The following ALS2 variants were observed in gnomAD, a reference collection of about 807,000 sequenced individuals.
ALS2 encodes alsin.
Under a neutral mutation model 203.4 loss-of-function variants are expected in ALS2, and 117 were observed. The observed-to-expected ratio is 0.58, with a 90% confidence interval of 0.50 to 0.67. The LOEUF is 0.67. Among genes scored for constraint, ALS2 ranks in the 30% least tolerant of loss-of-function variants. The pLI, the probability that ALS2 is intolerant of heterozygous loss-of-function variation, is 0.00. For synonymous variants in ALS2, 718 were observed against 725.9 expected, an observed-to-expected ratio of 0.99 and a Z score of 0.17; for missense variants, 1,715 against 1,989.4, an observed-to-expected ratio of 0.86 and a Z score of 2.62.
intron 24 of ALS2, among the ~76,000 whole-genome samples, chr2:201,716,474 G>A (rs924368441): frequency 4.1e-5 from 6 of 147,080 alleles, no homozygotes; most frequent in Non-Finnish European, 7.4e-5. Context: ...AACCCAGAAG[G>A]CAGAGGTTGC....
At chr2:201,721,492 C>A (rs755845633) in intron 23 of ALS2, among the ~76,000 whole-genome samples, 1 of 151,916 alleles carries the variant, frequency 6.6e-6, no homozygotes, top group Non-Finnish European at 1.5e-5. Flanking sequence ...ACTGAGAGAC[C>A]AGAAATAAAC....
chr2:201,733,561 T>A, intron 12 of ALS2, 123 bp from the exon 13 acceptor site: 1 of 831,928 alleles, frequency 1.2e-6, no homozygotes, highest in Non-Finnish European at 1.9e-6. Context: ...GCTGTGAAAG[T>A]AGAAATACAA....
intron 3 of ALS2, among the ~76,000 whole-genome samples, chr2:201,766,046 G>A (rs1448666267): frequency 6.6e-6 from 1 of 152,144 alleles, no homozygotes; most frequent in African/African-American, 2.4e-5. Flanking sequence ...CATGGAACTT[G>A]TTATCTCACT....
chr2:201,756,996 A>G (rs1693441195), intron 5 of ALS2, among the ~76,000 whole-genome samples: 1 of 152,344 alleles, frequency 6.6e-6, no homozygotes, highest in African/African-American at 2.4e-5. Flanking sequence ...ATGGTCTCAG[A>G]AAATGAAATT....
In ALS2 at chr2:201,711,788, A is replaced by G. The variant is rs578207943; in HGVS notation, c.4005-680T>C. Among the ~76,000 whole-genome samples, 7 of 152,356 alleles carry G rather than the reference A, an allele frequency of 4.6e-5. No homozygotes were observed. The South Asian group carries it at 1.4e-3, about 32-fold the overall frequency. The stretch of plus-strand genomic sequence containing the variant: ...ATCATTATTATTAGAGATTTTAGAT[A>G]AACATATAAGATCTTTGTGGTAGCA... On this transcript the variant is annotated intron_variant, in intron 25 of 33. Transcript: ENST00000264276.
intron 24 of ALS2, among the ~76,000 whole-genome samples, chr2:201,717,519 T>C (rs1195933332): frequency 6.6e-6 from 1 of 151,520 alleles, no homozygotes; most frequent in Non-Finnish European, 1.5e-5. Flanking sequence ...CATGGAACTT[T>C]CCTTTTAAAC....
At chr2:201,724,501 A>G (rs774119637) in intron 20 of ALS2, 42 bp from the exon 21 acceptor site, 15 of 1,598,090 alleles carry the variant, frequency 9.4e-6, no homozygotes, top group Non-Finnish European at 1.3e-5. Context: ...TGCACATTGA[A>G]TTCTGATGCT....
At chr2:201,772,244 A>G (rs1428464531) in intron 1 of ALS2, among the ~76,000 whole-genome samples, 2 of 151,392 alleles carry the variant, frequency 1.3e-5, no homozygotes, top group Non-Finnish European at 2.9e-5. Flanking sequence ...CGAGCCAAGG[A>G]TATCATTTTA....
At chr2:201,778,157 G>A (rs1694739042) in intron 1 of ALS2, among the ~76,000 whole-genome samples, 1 of 152,098 alleles carries the variant, frequency 6.6e-6, no homozygotes, top group South Asian at 2.1e-4. Context: ...CTCCCTTCCT[G>A]ATAGGGAGGC....
intron 11 of ALS2, among the ~76,000 whole-genome samples, chr2:201,739,091 T>C (rs1192240739): frequency 6.6e-6 from 1 of 151,552 alleles, no homozygotes; most frequent in East Asian, 1.9e-4. Context: ...ATAGAAAAAT[T>C]AGTCAGGCAT....
intron 21 of ALS2, 33 bp from the exon 22 acceptor site, chr2:201,723,474 T>C: frequency 1.3e-6 from 2 of 1,545,152 alleles, no homozygotes; most frequent in South Asian, 2.2e-5. Context: ...GAAAAAGCAC[T>C]GAAGATAAGG....
At chr2:201,713,980 G>A (rs938006126) in intron 25 of ALS2, among the ~76,000 whole-genome samples, 10 of 152,184 alleles carry the variant, frequency 6.6e-5, no homozygotes, top group African/African-American at 2.4e-4. Context: ...GCTTGAAACT[G>A]CTATCTTTAG....
chr2:201,777,336 G>A (rs74612791), intron 1 of ALS2, among the ~76,000 whole-genome samples: 5,065 of 151,906 alleles, frequency 0.033, 96 homozygotes, highest in African/African-American at 0.052. Context: ...CCTCTCCTTA[G>A]AAAAGCTTTA....
chr2:201,745,810 G>T (rs1055022430), intron 9 of ALS2, among the ~76,000 whole-genome samples: 1 of 152,104 alleles, frequency 6.6e-6, no homozygotes, highest in Non-Finnish European at 1.5e-5. Flanking sequence ...TTAGCTGGGC[G>T]TGGTGGTGGG....
chr2:201,711,348 A>C (rs1483059855), intron 25 of ALS2, among the ~76,000 whole-genome samples: 1 of 152,220 alleles, frequency 6.6e-6, no homozygotes, highest in East Asian at 1.9e-4. Context: ...TTCTACAATA[A>C]AGATTCATTC....
chr2:201,757,434 C>T lies in ALS2; in HGVS notation c.1439G>A (p.Arg480Gln), dbSNP rs762706628. The T allele has an allele frequency of 6.2e-7, 1 of 1,613,964 alleles. No homozygotes were observed. The highest frequency in any genetic ancestry group is 8.5e-7 in the Non-Finnish European group (1 of 1,179,870). Residue 480 changes from arginine to glutamine, a missense_variant, in exon 5 of 34, where the codon CGA becomes CAA. Arg to Gln is a conservative substitution (Grantham distance 43). Transcript: ENST00000264276. ...CAACAATCCAGGGAGGGAGAGTCTT[C>T]GACTGCCTCCCTCTGTTTCTTCTTC... ...IREEETEGGS[R>Q]RLSLPGLLSQ...
At chr2:201,730,920 T>C (rs150161526) in intron 13 of ALS2, among the ~76,000 whole-genome samples, 59 of 152,338 alleles carry the variant, frequency 3.9e-4, no homozygotes, top group African/African-American at 1.2e-3. Flanking sequence ...ACCATCAGTG[T>C]AAATGACAAT....
intron 1 of ALS2, among the ~76,000 whole-genome samples, chr2:201,770,922 T>C (rs772241608): frequency 6.6e-6 from 1 of 152,210 alleles, no homozygotes; most frequent in Non-Finnish European, 1.5e-5. Flanking sequence ...CCCACAGAAC[T>C]TGAAGATAAT....
At chr2:201,717,227 G>A (rs1690460847) in intron 24 of ALS2, among the ~76,000 whole-genome samples, 1 of 152,074 alleles carries the variant, frequency 6.6e-6, no homozygotes, top group Non-Finnish European at 1.5e-5. Flanking sequence ...CACTTTGAGA[G>A]GCCAAAGTGG....
Sources: gnomAD v4.1 joint callset for allele counts (sites outside exome capture counted in the v4.1 genomes callset) on GRCh38, gnomAD v4.1.1 for gene constraint, MANE v1.5 for transcripts, NCBI Gene and HGNC (gene_info 2026-07-23, HGNC 2026-07-21) for gene names.